NRXN1: variants seen among roughly 807,000 people sequenced by gnomAD.
NRXN1 encodes neurexin 1.
Under a neutral mutation model 150.9 loss-of-function variants are expected in NRXN1, and 39 were observed. The ratio of observed to expected loss-of-function variants is 0.26; its 90% CI spans 0.20 to 0.34. The LOEUF (loss-of-function observed/expected upper bound fraction) is 0.34, where lower values mean the gene tolerates loss of function less well. Among genes scored for constraint, NRXN1 ranks in the 10% least tolerant of loss-of-function variants. NRXN1 has a pLI of 1.00. For missense variants in NRXN1, 1,815 were observed against 1,949.9 expected (o/e 0.93, Z 1.30); for synonymous variants, 924 against 757.0 (o/e 1.22, Z -3.62).
At position 50,547,767 on chromosome 2, in the gene NRXN1, T is replaced by G. The variant is rs548405783; in HGVS notation, c.1759+4820A>C. Among the ~76,000 whole-genome samples, 5 of 152,148 alleles carry G rather than the reference T, an allele frequency of 3.3e-5. No homozygotes were observed. The South Asian group carries it at 1.0e-3, about 32-fold the overall frequency. On this transcript the variant is annotated intron_variant, in intron 9 of 22. Coordinates refer to ENST00000401669, the MANE Select transcript of NRXN1 (RefSeq NM_001330078.2). The stretch of plus-strand genomic sequence containing the variant: ...TTGGTATGGTTTCTCCTTTGCTAGC[T>G]TACTGCAGGATCTGGAAGTGCCATT...
At position 49,919,884 on chromosome 2, in the gene NRXN1, T is replaced by G. The variant is rs1412621268; in HGVS notation, c.*2060A>C. ...TATGTCTGAAATCCAGGCCACTTCT[T>G]GGCTTTTTTTTCATCAACTAAAGTA... On this transcript the variant is annotated 3_prime_UTR_variant, in exon 23 of 23. Transcript: ENST00000401669. 3 of 152,168 alleles carry G rather than the reference T, an allele frequency of 2.0e-5. No individual in the cohort carries two copies. Among genetic ancestry groups the G allele is most frequent in the Non-Finnish European group, 4.4e-5 (3 of 67,988 alleles). The allele number at this position is 152,168 out of a possible 1,614,324, so 9.4% of individuals were successfully genotyped here.
intron 12 of NRXN1, among the ~76,000 whole-genome samples, chr2:50,511,598 A>G (rs1266951862): frequency 2.0e-5 from 3 of 152,190 alleles, no homozygotes; most frequent in African/African-American, 7.2e-5. Context: ...TAAACATTTC[A>G]GTTTTCCTTA....
At chr2:50,874,433 C>T (rs1465761330) in intron 5 of NRXN1, among the ~76,000 whole-genome samples, 1 of 151,092 alleles carries the variant, frequency 6.6e-6, no homozygotes, top group East Asian at 2.0e-4. Flanking sequence ...ACCTGAGGCA[C>T]CAATAGGGGT....
chr2:50,596,041 T>TG (rs1675147988), intron 8 of NRXN1, among the ~76,000 whole-genome samples: 1 of 152,214 alleles, frequency 6.6e-6, no homozygotes, highest in Non-Finnish European at 1.5e-5. Context: ...TAGAGTAGAC[T>TG]GGTTTCATGT....
chr2:50,658,411 GGTGTGTGT>G (rs58970263), intron 5 of NRXN1, among the ~76,000 whole-genome samples: 2 of 144,682 alleles, frequency 1.4e-5, no homozygotes, highest in Non-Finnish European at 3.0e-5. Flanking sequence ...TGCATTCACT[GGTGTGTGT>G]GTGTGTGTGT....
intron 8 of NRXN1, among the ~76,000 whole-genome samples, chr2:50,582,594 C>G (rs1672454744): frequency 6.7e-6 from 1 of 150,194 alleles, no homozygotes; most frequent in Non-Finnish European, 1.5e-5. Flanking sequence ...GGGGAAGCCA[C>G]TAGCAAAACT....
chr2:50,494,438 T>C (rs1219122535), intron 15 of NRXN1, among the ~76,000 whole-genome samples: 1 of 151,980 alleles, frequency 6.6e-6, no homozygotes, highest in Non-Finnish European at 1.5e-5. Flanking sequence ...CCATGAAAAA[T>C]ACAGAAGAAA....
chr2:50,370,335 G>C (rs980750887), intron 17 of NRXN1, among the ~76,000 whole-genome samples: 3 of 151,976 alleles, frequency 2.0e-5, no homozygotes, highest in East Asian at 1.9e-4. Flanking sequence ...CCTGGACTTA[G>C]TGAATTTGTA....
At chr2:50,780,642 C>G (rs535662791) in intron 5 of NRXN1, among the ~76,000 whole-genome samples, 1 of 152,082 alleles carries the variant, frequency 6.6e-6, no homozygotes, top group African/African-American at 2.4e-5. Context: ...TAGCCTTGGT[C>G]TACTCATGTT....
intron 2 of NRXN1, among the ~76,000 whole-genome samples, chr2:50,979,828 C>G (rs1696501927): frequency 6.6e-6 from 1 of 152,112 alleles, no homozygotes; most frequent in Non-Finnish European, 1.5e-5. Flanking sequence ...CACTGTCAAC[C>G]TTTAATATCT....
chr2:50,736,416 C>T (rs967247913), intron 5 of NRXN1, among the ~76,000 whole-genome samples: 3 of 151,898 alleles, frequency 2.0e-5, no homozygotes, highest in Admixed American at 2.0e-4. Flanking sequence ...GTTTGTGGAA[C>T]GCCCTAGTGA....
rs1176474053 is a variant in NRXN1 at position 50,720,510 on chromosome 2, A to G, written c.833-96895T>C. Among the ~76,000 whole-genome samples the G allele has an allele frequency of 2.2e-4, 33 of 152,216 alleles. 1 individual carries two copies. The highest frequency in any genetic ancestry group is 2.9e-5 in the Non-Finnish European group (2 of 68,032). ...ATGCCATACTGTTGGTATGGTAGCT[A>G]GGAAAAAAATGCAGTGCCTGAAACA... On this transcript the variant is annotated intron_variant, in intron 5 of 22. Transcript: ENST00000401669.
At chr2:50,948,591 A>C (rs1002600959) in intron 2 of NRXN1, among the ~76,000 whole-genome samples, 1 of 152,056 alleles carries the variant, frequency 6.6e-6, no homozygotes, top group Non-Finnish European at 1.5e-5. Flanking sequence ...ACTCATTAGC[A>C]TTAGAATTCT....
chr2:50,835,064 A>T (rs139471856), intron 5 of NRXN1, among the ~76,000 whole-genome samples: 1 of 152,304 alleles, frequency 6.6e-6, no homozygotes, highest in African/African-American at 2.4e-5. Context: ...AATAATATAG[A>T]CAACCTCAGA....
chr2:50,979,333 A>G, intron 2 of NRXN1: 1 of 511,258 alleles, frequency 2.0e-6, no homozygotes, highest in Non-Finnish European at 3.9e-6. Context: ...TTCCATCCCT[A>G]TTCTCAGCAC....
chr2:49,995,595 C>T (rs1395668299), intron 21 of NRXN1, among the ~76,000 whole-genome samples: 1 of 151,282 alleles, frequency 6.6e-6, no homozygotes, highest in Non-Finnish European at 1.5e-5. Flanking sequence ...TCCTGGCTAA[C>T]ATGGTGAAAC....
Position 50,915,051 on chromosome 2 carries a change from T to C in NRXN1, c.832+6818A>G, listed in dbSNP as rs565350363. 1.3e-4 allele frequency among the ~76,000 whole-genome samples: 19 copies of C among 151,712 alleles called. No homozygotes were observed. In the South Asian group the frequency reaches 3.5e-3, roughly 28 times the overall value. The stretch of plus-strand genomic sequence containing the variant: ...ATTTCTATGAAGAGAAACTAGATCA[T>C]GGTATGGAAGTTCAGGAGACGGCCA... On this transcript the variant is annotated intron_variant, in intron 5 of 22. Transcript: ENST00000401669.
At chr2:51,029,433 A>G (rs1455158760) in intron 1 of NRXN1, among the ~76,000 whole-genome samples, 1 of 152,212 alleles carries the variant, frequency 6.6e-6, no homozygotes, top group East Asian at 1.9e-4. Flanking sequence ...GTTAGTTGGT[A>G]ACCCGAAGTT....
At chr2:50,336,310 T>C (rs2152989087) in intron 17 of NRXN1, among the ~76,000 whole-genome samples, 1 of 152,324 alleles carries the variant, frequency 6.6e-6, no homozygotes, top group East Asian at 1.9e-4. Flanking sequence ...TTGCTCCAAC[T>C]TATAGTCTAA....
Sources: gnomAD v4.1 joint callset for allele counts (sites outside exome capture counted in the v4.1 genomes callset) on GRCh38, gnomAD v4.1.1 for gene constraint, MANE v1.5 for transcripts, NCBI Gene and HGNC (gene_info 2026-07-23, HGNC 2026-07-21) for gene names.